Variants in FER1L6 observed in about 807,000 individuals in gnomAD.
FER1L6 encodes fer-1-like protein 6.
In FER1L6, 177 loss-of-function variants were observed where a neutral mutation model predicts 219.2. The observed-to-expected ratio is 0.81, with a 90% CI of 0.71 to 0.91. The LOEUF (loss-of-function observed/expected upper bound fraction) is 0.91, where lower values mean the gene tolerates loss of function less well. Among genes scored for constraint, FER1L6 ranks in the 40% least tolerant of loss-of-function variants. The pLI is 0.00. For missense variants in FER1L6, 2,153 were observed against 2,259.9 expected, an observed-to-expected ratio of 0.95 and a Z score of 0.96; for synonymous variants, 768 against 824.3, an observed-to-expected ratio of 0.93 and a Z score of 1.17.
At chr8:124,040,442 G>A in intron 20 of FER1L6, 1 of 207,132 alleles carries the variant, frequency 4.8e-6, no homozygotes, top group South Asian at 9.1e-5. Flanking sequence ...GCACTCACCA[G>A]CTGGGGAGCT....
intron 1 of FER1L6, among the ~76,000 whole-genome samples, chr8:123,938,234 C>T (rs116053462): frequency 6.6e-5 from 10 of 152,304 alleles, no homozygotes; most frequent in South Asian, 2.1e-4. Flanking sequence ...TATGTTTACA[C>T]GGGGAATACC....
chr8:123,959,569 G>A (rs1270285865), intron 2 of FER1L6, among the ~76,000 whole-genome samples: 1 of 152,210 alleles, frequency 6.6e-6, no homozygotes, highest in Non-Finnish European at 1.5e-5. Context: ...GCACCTACAA[G>A]GCCTGGCCTA....
At chr8:123,988,664 A>C (rs1309594679) in intron 12 of FER1L6, among the ~76,000 whole-genome samples, 1 of 152,204 alleles carries the variant, frequency 6.6e-6, no homozygotes, top group Non-Finnish European at 1.5e-5. Context: ...TAATTTTTAA[A>C]TGTTGATTTT....
At chr8:123,923,804 G>A (rs1480689185) in intron 1 of FER1L6, among the ~76,000 whole-genome samples, 1 of 152,038 alleles carries the variant, frequency 6.6e-6, no homozygotes, top group African/African-American at 2.4e-5. Flanking sequence ...GGGCATGGTG[G>A]CACGTGGCTT....
intron 13 of FER1L6, among the ~76,000 whole-genome samples, chr8:124,010,015 T>G (rs1817845806): frequency 6.7e-6 from 1 of 150,226 alleles, no homozygotes; most frequent in Admixed American, 6.7e-5. Context: ...GGAGGAGAGG[T>G]CTTGTTCTAG....
chr8:124,042,945 G>A (rs1160875719), intron 20 of FER1L6, among the ~76,000 whole-genome samples: 1 of 152,164 alleles, frequency 6.6e-6, no homozygotes, highest in Admixed American at 6.5e-5. Flanking sequence ...AAGGCTTCTG[G>A]GATGAAAGAG....
At chr8:124,056,754 A>T (rs557639680) in intron 22 of FER1L6, among the ~76,000 whole-genome samples, 90 of 152,302 alleles carry the variant, frequency 5.9e-4, no homozygotes, top group Admixed American at 9.2e-4. Flanking sequence ...CATATTATTA[A>T]GAACTTCCAG....
At chr8:123,949,047 G>T (rs972352068) in intron 1 of FER1L6, among the ~76,000 whole-genome samples, 3 of 152,182 alleles carry the variant, frequency 2.0e-5, no homozygotes, top group African/African-American at 7.2e-5. Context: ...GATGTCCTGG[G>T]TTCCTCTGTT....
chr8:123,994,630 A>G (rs1450374026), intron 12 of FER1L6, among the ~76,000 whole-genome samples: 1 of 152,158 alleles, frequency 6.6e-6, no homozygotes, highest in Non-Finnish European at 1.5e-5. Context: ...TGCAGGCCAC[A>G]CACCTCCCAG....
chr8:123,956,154 C>T, intron 2 of FER1L6, 80 bp downstream of exon 2: 2 of 1,254,988 alleles, frequency 1.6e-6, no homozygotes, highest in South Asian at 1.3e-5. Context: ...AAATGCAGTT[C>T]TCTCTCAATG....
chr8:123,980,825 C>T lies in FER1L6; in HGVS notation c.1410+14C>T. ...GTCCCCCCGGAGGTAGGTCTAGGCA[C>T]TGCATTATGGTACTTTACCTATGAG... is the stretch of plus-strand genomic sequence containing the variant. On this transcript the variant is annotated intron_variant, in intron 11 of 40. Coordinates refer to ENST00000522917, the MANE Select transcript of FER1L6 (RefSeq NM_001039112.2). 1.3e-6 allele frequency: 2 copies of T among 1,599,134 alleles called. No individual in the cohort carries two copies. The highest frequency in any genetic ancestry group is 2.2e-5 in the East Asian group (1 of 44,812).
chr8:123,982,583 A>T (rs1289254031), intron 11 of FER1L6, among the ~76,000 whole-genome samples: 1 of 152,144 alleles, frequency 6.6e-6, no homozygotes, highest in Non-Finnish European at 1.5e-5. Context: ...TTTATTAGTT[A>T]TCTATGGCTG....
chr8:124,019,137 C>A (rs1391421517), intron 16 of FER1L6, among the ~76,000 whole-genome samples: 1 of 152,130 alleles, frequency 6.6e-6, no homozygotes, highest in Non-Finnish European at 1.5e-5. Flanking sequence ...AATCTAAATC[C>A]CTTTTGCATG....
At chr8:124,047,899 A>G (rs954562141) in intron 21 of FER1L6, among the ~76,000 whole-genome samples, 5 of 152,312 alleles carry the variant, frequency 3.3e-5, no homozygotes, top group South Asian at 2.1e-4. Context: ...TCATTTCCCA[A>G]TGGCCTCATA....
chr8:124,044,736 G>T (rs6984093), intron 20 of FER1L6, among the ~76,000 whole-genome samples: 127,341 of 151,844 alleles, frequency 0.84, 53,567 homozygotes, highest in Non-Finnish European at 0.87. Flanking sequence ...AATAGCTTCT[G>T]CCCAGGTGCA....
In FER1L6 at chr8:123,901,749, C is replaced by T. The variant is rs186876739; in HGVS notation, c.-8+49564C>T. On this transcript the variant is annotated intron_variant, in intron 1 of 40. Transcript: ENST00000522917. ...TTTTTTTTTTTTTGAGATGGAGCCT[C>T]GCTCTGTTGCCCAGTTTGGAGTGCA... Among the ~76,000 whole-genome samples the T allele has an allele frequency of 4.0e-3, 605 of 151,416 alleles. 4 individuals are homozygous for T. The highest frequency in any genetic ancestry group is 0.014 in the African/African-American group (565 of 41,214).
At chr8:123,862,216 T>A (rs1816758272) in intron 1 of FER1L6, among the ~76,000 whole-genome samples, 1 of 81,416 alleles carries the variant, frequency 1.2e-5, no homozygotes, top group Non-Finnish European at 2.5e-5. Flanking sequence ...CAAAGGCTTT[T>A]TCTGCATCTA....
At chr8:124,068,442 C>G (rs149865705) in intron 28 of FER1L6, among the ~76,000 whole-genome samples, 1 of 152,318 alleles carries the variant, frequency 6.6e-6, no homozygotes, top group African/African-American at 2.4e-5. Context: ...GTCAAGTAAT[C>G]TGTCCAACAT....
At chr8:124,012,928 G>A (rs974560751) in intron 14 of FER1L6, among the ~76,000 whole-genome samples, 5 of 152,138 alleles carry the variant, frequency 3.3e-5, no homozygotes, top group Admixed American at 2.6e-4. Flanking sequence ...ACAAGCATAG[G>A]GCCATTGCCA....
Sources: allele counts gnomAD v4.1 joint callset (sites outside exome capture counted in the v4.1 genomes callset), GRCh38; gene constraint gnomAD v4.1.1; transcripts MANE v1.5; gene names NCBI Gene and HGNC (gene_info 2026-07-23, HGNC 2026-07-21).